The following PKDREJ variants were observed in gnomAD, a reference collection of about 807,000 sequenced individuals.
PKDREJ encodes the protein polycystin family receptor for egg jelly, also known as PKD and REJ homolog.
For synonymous variants in PKDREJ, 1,031 were observed against 1,095.5 expected (o/e 0.94, Z 1.16); for missense variants, 2,507 against 2,807.2 (o/e 0.89, Z 2.42).
chr22:46,259,393 A>T lies in PKDREJ; in HGVS notation c.3930T>A (p.Tyr1310Ter). The change falls in exon 1 of 1, where the codon TAT (tyrosine) becomes TAA (stop). Residue 1310 changes from tyrosine to a stop codon, truncating the protein, a stop_gained. Transcript: ENST00000253255. LOFTEE classifies it low-confidence loss of function (END_TRUNC). This position sits in a 1 kb window ranked among gnomAD's most constrained non-coding sequence, Gnocchi z 6.8. ...GATTTTCCACTTTGATTCTACTTAA[A>T]TACCAGCTAGGCGATCGACCCTCGT... ...HNNEGRSPSWYLSRIKVENLF... is the reference protein window; with the variant it reads ...HNNEGRSPSW The T allele has an allele frequency of 6.2e-7, 1 of 1,614,204 alleles. No homozygotes were observed. The highest frequency in any genetic ancestry group is 2.2e-5 in the East Asian group (1 of 44,884).
chr22:46,260,076 C>T lies in PKDREJ; in HGVS notation c.3247G>A (p.Ala1083Thr). The T allele has an allele frequency of 2.5e-6, 4 of 1,614,048 alleles. No individual in the cohort carries two copies. The highest frequency in any genetic ancestry group is 3.4e-6 in the Non-Finnish European group (4 of 1,179,976). Residue 1083 changes from alanine to threonine, a missense_variant, in exon 1 of 1, where the codon GCA becomes ACA. Ala to Thr is a moderately conservative substitution (Grantham distance 58, BLOSUM62 0). Coordinates refer to ENST00000253255, the MANE Select transcript of PKDREJ (RefSeq NM_006071.2). The surrounding 1 kb of genome is among the most constrained non-coding windows in gnomAD (Gnocchi z 4.5). ...PHCTVSIVLQ[A>T]PRFVMKLNDK... ...TTGAGCTTCATGACAAAACGAGGTG[C>T]CTGCAGAACTATGGATACAGTACAG...
At position 46,260,506 on chromosome 22, in the gene PKDREJ, G is replaced by C. The variant is rs766133714; in HGVS notation, c.2817C>G (p.Asn939Lys). 1.2e-6 allele frequency: 2 copies of C among 1,613,964 alleles called. No individual in the cohort carries two copies. Among genetic ancestry groups the C allele is most frequent in the African/African-American group, 2.7e-5 (2 of 74,906 alleles). Residue 939 changes from asparagine (N) to lysine (K), a missense_variant, in exon 1 of 1, where the codon AAC becomes AAG. Coordinates refer to ENST00000253255, the MANE Select transcript of PKDREJ (RefSeq NM_006071.2). This position sits in a 1 kb window ranked among gnomAD's most constrained non-coding sequence, Gnocchi z 4.5. Reference sequence around the variant, plus strand: ...CAGGTGTGATCTCTAGCACACTACCGTTATCTGCAACTCCTGTCATTCTGA... The same window carrying C: ...CAGGTGTGATCTCTAGCACACTACCCTTATCTGCAACTCCTGTCATTCTGA... ...SGFRMTGVAD[N>K]GSVLEITPDV... is the part of the protein sequence containing the mutation.
In PKDREJ at chr22:46,256,944, T is replaced by C. The variant is rs759605745; in HGVS notation, c.6379A>G (p.Thr2127Ala). 1.2e-6 allele frequency: 2 copies of C among 1,613,964 alleles called. No individual in the cohort carries two copies. Residue 2127 changes from threonine to alanine, a missense_variant, in exon 1 of 1, where the codon ACA (threonine) becomes GCA (alanine). Physicochemically the swap from Thr to Ala is moderately conservative, Grantham distance 58. Coordinates refer to ENST00000253255, the MANE Select transcript of PKDREJ (RefSeq NM_006071.2). This position sits in a 1 kb window ranked among gnomAD's most constrained non-coding sequence, Gnocchi z 5.3. ...GCTGAGACACAATAGGAAAATACTG[T>C]CTGAGTGGAATGAATCAAGTTACTG... ...NYSNLIHSTQ[T>A]VFSYCVSAFQ...
chr22:46,257,101 A>G lies in PKDREJ; in HGVS notation c.6222T>C (p.Asp2074=), dbSNP rs140691640. 47 of 1,613,976 alleles carry G rather than the reference A, an allele frequency of 2.9e-5. No homozygotes were observed. In the African/African-American group the frequency reaches 5.6e-4, roughly 19 times the overall value. ...KTLRYSRFFY[D]VRLAQRAIQA... is the part of the protein sequence containing the mutation. Reference sequence around the variant, plus strand: ...GGATGGCCCTCTGAGCCAGGCGCACATCGTAGAAGAATCTGGAATACCTGA... The same window carrying G: ...GGATGGCCCTCTGAGCCAGGCGCACGTCGTAGAAGAATCTGGAATACCTGA... The change falls in exon 1 of 1, where the codon GAT becomes GAC. Residue 2074 remains aspartate (D), a synonymous_variant. Coordinates refer to ENST00000253255, the MANE Select transcript of PKDREJ (RefSeq NM_006071.2). The surrounding 1 kb of genome is among the most constrained non-coding windows in gnomAD (Gnocchi z 4.7).
Position 46,258,833 on chromosome 22 carries a change from A to G in PKDREJ, c.4490T>C (p.Val1497Ala), listed in dbSNP as rs1431273561. ...YETAKVHPRE[V>A]AKPASKGKPR... ...CTTTCCTTTAGATGCAGGTTTTGCA[A>G]CCTCCCTGGGGTGCACCTTAGCAGT... is the stretch of plus-strand genomic sequence containing the variant. The change falls in exon 1 of 1, where the codon GTT becomes GCT. Residue 1497 changes from valine to alanine, a missense_variant. Transcript: ENST00000253255. The surrounding 1 kb of genome is among the most constrained non-coding windows in gnomAD (Gnocchi z 6.1). The G allele has an allele frequency of 3.1e-6, 5 of 1,613,824 alleles. No homozygotes were observed. The highest frequency in any genetic ancestry group is 4.5e-5 in the East Asian group (2 of 44,880).
In PKDREJ at chr22:46,261,082, G is replaced by A. The variant is rs1936691189; in HGVS notation, c.2241C>T (p.Ser747=). 6.2e-7 allele frequency: 1 copy of A among 1,614,054 alleles called. No homozygotes were observed. ...LIDQSFLLPV[S]TLVEIGQVVM... ...CTACCTGGCCAATTTCTACCAAAGT[G>A]CTTACAGGAAGAAGGAAAGACTGAT... Residue 747 remains serine, a synonymous_variant, in exon 1 of 1, where the codon AGC becomes AGT. Transcript: ENST00000253255. This position sits in a 1 kb window ranked among gnomAD's most constrained non-coding sequence, Gnocchi z 7.1.
rs1016497074 is a variant in PKDREJ, at chr22:46,257,320, G to A, written c.6003C>T (p.Leu2001=). Residue 2001 remains leucine (L), a synonymous_variant, in exon 1 of 1, where the codon CTC becomes CTT. Transcript: ENST00000253255. The surrounding 1 kb of genome is among the most constrained non-coding windows in gnomAD (Gnocchi z 4.7). Reference sequence around the variant, plus strand: ...TAAATATGCACTTTAAAGCAAAGTTGAGCAAATTATACACACTTCTCACAT... The same window carrying A: ...TAAATATGCACTTTAAAGCAAAGTTAAGCAAATTATACACACTTCTCACAT... ...ASYVRSVYNL[L]NFALKCIFTV... 2.5e-6 allele frequency: 4 copies of A among 1,613,866 alleles called. No homozygotes were observed. In the African/African-American group the frequency reaches 4.0e-5, roughly 16 times the overall value.
At position 46,259,455 on chromosome 22, in the gene PKDREJ, A is replaced by G; in HGVS notation, c.3868T>C (p.Leu1290=). The change falls in exon 1 of 1, where the codon TTG becomes CTG. Residue 1290 remains leucine (L), a synonymous_variant. Transcript: ENST00000253255. The surrounding 1 kb of genome is among the most constrained non-coding windows in gnomAD (Gnocchi z 6.8). ...ACACGGATGGAATGGATGTCCCCCA[A>G]GTCACTTTTTGTCGTTAGGAGGAAA... ...NTFLLTTKSD[L]GDIHSIRVWH... 6.2e-7 allele frequency: 1 copy of G among 1,614,154 alleles called. No homozygotes were observed. Among genetic ancestry groups the G allele is most frequent in the Non-Finnish European group, 8.5e-7 (1 of 1,180,026 alleles).
chr22:46,256,361 GA>G lies in PKDREJ; in HGVS notation c.*199del. 1 of 798,818 alleles carries G rather than the reference GA, an allele frequency of 1.3e-6. No homozygotes were observed. The highest frequency in any genetic ancestry group is 1.9e-6 in the Non-Finnish European group (1 of 525,250). The allele number at this position is 798,818 out of a possible 1,614,324, so 49.5% of individuals were successfully genotyped here. A position where few individuals can be genotyped will look rare whatever the true frequency, so the allele number is the denominator to read the frequency against. On this transcript the variant is annotated 3_prime_UTR_variant, in exon 1 of 1. Transcript: ENST00000253255. The surrounding 1 kb of genome is among the most constrained non-coding windows in gnomAD (Gnocchi z 5.3). The stretch of plus-strand genomic sequence containing the variant: ...ACACTGTGATCCTGCTGTCTCCCCA[GA>G]TGCTACACTACACTCCCAACTTTTA...
chr22:46,256,584 T>C lies in PKDREJ; in HGVS notation c.6739A>G (p.Lys2247Glu), dbSNP rs960550297. The C allele has an allele frequency of 6.2e-7, 1 of 1,613,312 alleles. No individual in the cohort carries two copies. The highest frequency in any genetic ancestry group is 8.5e-7 in the Non-Finnish European group (1 of 1,179,750). The change falls in exon 1 of 1, where the codon AAA (lysine) becomes GAA (glutamate). Residue 2247 changes from lysine (K) to glutamate (E), a missense_variant. Lys to Glu is a moderately conservative substitution (Grantham distance 56). Transcript: ENST00000253255. This position sits in a 1 kb window ranked among gnomAD's most constrained non-coding sequence, Gnocchi z 5.3. ...CATCAAACAACAAGGTAAACCATTT[T>C]CTTCCCGTTGATGTTTCTGGTCTTC... is the stretch of plus-strand genomic sequence containing the variant. ...GLKTRNINGK[K>E]MVYLVV is the part of the protein sequence containing the mutation.
chr22:46,259,248 A>T lies in PKDREJ; in HGVS notation c.4075T>A (p.Phe1359Ile). ...CGGAGATTACTACTCACATCTATAA[A>T]GAAAAAGTCTTTTCTAGTCAGACGC... The part of the protein sequence containing the change: ...DERLTRKDFF[F>I]IDVSSNLRKN... The change falls in exon 1 of 1, where the codon TTT becomes ATT. Residue 1359 changes from phenylalanine (F) to isoleucine (I), a missense_variant. Coordinates refer to ENST00000253255, the MANE Select transcript of PKDREJ (RefSeq NM_006071.2). This position sits in a 1 kb window ranked among gnomAD's most constrained non-coding sequence, Gnocchi z 6.8. 2 of 1,613,964 alleles carry T rather than the reference A, an allele frequency of 1.2e-6. No individual in the cohort carries two copies. The highest frequency in any genetic ancestry group is 1.7e-6 in the Non-Finnish European group (2 of 1,179,982).
rs372547406 is a variant in PKDREJ at position 46,259,223 on chromosome 22, C to T, written c.4100G>A (p.Arg1367Gln). The T allele has an allele frequency of 4.8e-5, 78 of 1,613,150 alleles. No homozygotes were observed. The highest frequency in any genetic ancestry group is 1.6e-4 in the Middle Eastern group (1 of 6,078). The change falls in exon 1 of 1, where the codon CGG becomes CAG. Residue 1367 changes from arginine (R) to glutamine (Q), a missense_variant. Coordinates refer to ENST00000253255, the MANE Select transcript of PKDREJ (RefSeq NM_006071.2). The surrounding 1 kb of genome is among the most constrained non-coding windows in gnomAD (Gnocchi z 6.8). The part of the protein sequence containing the change: ...FFFIDVSSNL[R>Q]KNHMWFSIFA... ...AATAGAGAACCACATGTGGTTTTTC[C>T]GGAGATTACTACTCACATCTATAAA...
rs201424283 is a variant in PKDREJ, at chr22:46,260,461, A to G, written c.2862T>C (p.Leu954=). ...EITPDVAEVY[L]VRKNLTFAAF... The stretch of plus-strand genomic sequence containing the variant: ...CTGCAAAGGTCAAGTTTTTCCTGAC[A>G]AGGTACACTTCCGCTACATCAGGTG... The change falls in exon 1 of 1, where the codon CTT becomes CTC. Residue 954 remains leucine, a synonymous_variant. Coordinates refer to ENST00000253255, the MANE Select transcript of PKDREJ (RefSeq NM_006071.2). This position sits in a 1 kb window ranked among gnomAD's most constrained non-coding sequence, Gnocchi z 4.5. 13 of 1,614,212 alleles carry G rather than the reference A, an allele frequency of 8.1e-6. No homozygotes were observed. In the East Asian group the frequency reaches 2.5e-4, roughly 30 times the overall value.
chr22:46,257,371 A>G lies in PKDREJ; in HGVS notation c.5952T>C (p.Cys1984=). The change falls in exon 1 of 1, where the codon TGT becomes TGC. Residue 1984 remains cysteine, a synonymous_variant. Transcript: ENST00000253255. The surrounding 1 kb of genome is among the most constrained non-coding windows in gnomAD (Gnocchi z 4.7). ...FFLAYVVDEG[C]IIMQERASYV... ...AGGAGGCTCTTTCTTGCATAATGATACAACCCTCATCAACAACGTAGGCTA... is the reference window on the plus strand; with the variant it reads ...AGGAGGCTCTTTCTTGCATAATGATGCAACCCTCATCAACAACGTAGGCTA... 1 of 1,614,090 alleles carries G rather than the reference A, an allele frequency of 6.2e-7. No homozygotes were observed. Among genetic ancestry groups the G allele is most frequent in the African/African-American group, 1.3e-5 (1 of 75,060 alleles).
In PKDREJ at chr22:46,258,643, A is replaced by G. The variant is rs2147774408; in HGVS notation, c.4680T>C (p.Asp1560=). Residue 1560 remains aspartate (D), a synonymous_variant, in exon 1 of 1, where the codon GAT becomes GAC. Coordinates refer to ENST00000253255, the MANE Select transcript of PKDREJ (RefSeq NM_006071.2). The surrounding 1 kb of genome is among the most constrained non-coding windows in gnomAD (Gnocchi z 6.1). ...GGGGCTTTTTCTTAAGCTGCTGGAG[A>G]TCCTTTTGGGAAGGGTGCTGTTCGG... ...VHSEQHPSQK[D]LQQLKKKPRI... is the part of the protein sequence containing the mutation. 6.2e-7 allele frequency: 1 copy of G among 1,614,204 alleles called. No individual in the cohort carries two copies. Among genetic ancestry groups the G allele is most frequent in the South Asian group, 1.1e-5 (1 of 91,086 alleles).
Position 46,257,589 on chromosome 22 carries a change from A to G in PKDREJ, c.5734T>C (p.Trp1912Arg), listed in dbSNP as rs1936646840. Residue 1912 changes from tryptophan (W) to arginine (R), a missense_variant, in exon 1 of 1, where the codon TGG becomes CGG. Transcript: ENST00000253255. The surrounding 1 kb of genome is among the most constrained non-coding windows in gnomAD (Gnocchi z 4.7). Reference protein sequence around the residue: ...QESNWLDEKTWAVVLELTTFN... With the variant: ...QESNWLDEKTRAVVLELTTFN... ...GTTGTTAATTCCAAAACCACAGCCCATGTCTTCTCATCCAGCCAATTGCTT... is the reference window on the plus strand; with the variant it reads ...GTTGTTAATTCCAAAACCACAGCCCGTGTCTTCTCATCCAGCCAATTGCTT... 6.2e-7 allele frequency: 1 copy of G among 1,614,138 alleles called. No individual in the cohort carries two copies. Among genetic ancestry groups the G allele is most frequent in the South Asian group, 1.1e-5 (1 of 91,068 alleles).
rs144559794 is a variant in PKDREJ at position 46,258,259 on chromosome 22, G to A, written c.5064C>T (p.Pro1688=). ...VRIRGTRMYQ[P]LTEDEIRIFK... The stretch of plus-strand genomic sequence containing the variant: ...ATATTCTGATTTCATCTTCTGTAAG[G>A]GGTTGGTACATCCTCGTGCCTCGGA... Residue 1688 remains proline (P), a synonymous_variant, in exon 1 of 1, where the codon CCC becomes CCT. Coordinates refer to ENST00000253255, the MANE Select transcript of PKDREJ (RefSeq NM_006071.2). The surrounding 1 kb of genome is among the most constrained non-coding windows in gnomAD (Gnocchi z 6.1). The A allele has an allele frequency of 3.1e-4, 497 of 1,614,142 alleles. 1 individual carries two copies. The highest frequency in any genetic ancestry group is 1.4e-3 in the Admixed American group (84 of 60,028).
Position 46,257,401 on chromosome 22 carries a change from A to T in PKDREJ, c.5922T>A (p.Phe1974Leu), listed in dbSNP as rs764709787. 6.2e-7 allele frequency: 1 copy of T among 1,613,968 alleles called. No individual in the cohort carries two copies. Reference sequence around the variant, plus strand: ...CCTCATCAACAACGTAGGCTAAGAAAAAAATGAGAATGGCCACATACAAGT... The same window carrying T: ...CCTCATCAACAACGTAGGCTAAGAATAAAATGAGAATGGCCACATACAAGT... ...EIYLYVAILI[F>L]FLAYVVDEGC... The change falls in exon 1 of 1, where the codon TTT becomes TTA. Residue 1974 changes from phenylalanine to leucine, a missense_variant. Transcript: ENST00000253255. The surrounding 1 kb of genome is among the most constrained non-coding windows in gnomAD (Gnocchi z 4.7).
At position 46,259,773 on chromosome 22, in the gene PKDREJ, G is replaced by C. The variant is rs766222680; in HGVS notation, c.3550C>G (p.Pro1184Ala). The C allele has an allele frequency of 1.9e-6, 3 of 1,614,114 alleles. No homozygotes were observed. In the East Asian group the frequency reaches 6.7e-5, roughly 36 times the overall value. Residue 1184 changes from proline (P) to alanine (A), a missense_variant, in exon 1 of 1, where the codon CCC becomes GCC. Coordinates refer to ENST00000253255, the MANE Select transcript of PKDREJ (RefSeq NM_006071.2). This position sits in a 1 kb window ranked among gnomAD's most constrained non-coding sequence, Gnocchi z 6.8. ...LNIIKSLHQN[P>A]VTLFTVLFII... ...AAAAGCACAGTGAAGAGGGTCACGGGGTTTTGGTGAAGGCTCTTGATGATG... is the reference window on the plus strand; with the variant it reads ...AAAAGCACAGTGAAGAGGGTCACGGCGTTTTGGTGAAGGCTCTTGATGATG...
Sources: gnomAD v4.1 joint callset for allele counts on GRCh38, gnomAD v4.1.1 for gene constraint, Gnocchi (gnomAD v3.1) non-coding constraint, MANE v1.5 for transcripts, NCBI Gene and HGNC (gene_info 2026-07-23, HGNC 2026-07-21) for gene names.